FTSJ1: variants seen among roughly 807,000 people sequenced by gnomAD.
FTSJ1 encodes the protein FtsJ RNA 2'-O-methyltransferase 1.
Under a neutral mutation model 28.5 loss-of-function variants are expected in FTSJ1, and 3 were observed. The ratio of observed to expected loss-of-function variants is 0.11; its 90% CI spans 0.05 to 0.27. The LOEUF is 0.27. Among genes scored for constraint, FTSJ1 ranks in the 10% least tolerant of loss-of-function variants. The pLI, the probability that FTSJ1 is intolerant of heterozygous loss-of-function variation, is 1.00. For missense variants in FTSJ1, 162 were observed against 279.0 expected, an observed-to-expected ratio of 0.58 and a Z score of 2.99; for synonymous variants, 104 against 113.9, an observed-to-expected ratio of 0.91 and a Z score of 0.55.
Position 48,481,467 on chromosome X carries a change from G to A in FTSJ1, c.510G>A (p.Leu170=), listed in dbSNP as rs374928864. The change falls in exon 8 of 13, where the codon CTG becomes CTA. Residue 170 remains leucine (L), a synonymous_variant. Transcript: ENST00000348411. The stretch of plus-strand genomic sequence containing the variant: ...ATGTGACGCTCCTCTACAGCCAGCT[G>A]CAGGTCTTCTTCTCCAGCGTGCTGT... ...GRDVTLLYSQ[L]QVFFSSVLCA... The A allele has an allele frequency of 1.7e-4, 209 of 1,210,786 alleles. No individual in the cohort carries two copies. Among genetic ancestry groups the A allele is most frequent in the Non-Finnish European group, 2.3e-4 (205 of 895,216 alleles).
At position 48,482,441 on chromosome X, in the gene FTSJ1, A is replaced by G; in HGVS notation, c.694A>G (p.Ile232Val). 1 of 1,208,606 alleles carries G rather than the reference A, an allele frequency of 8.3e-7. No individual in the cohort carries two copies. The highest frequency in any genetic ancestry group is 1.1e-6 in the Non-Finnish European group (1 of 893,163). Reference protein sequence around the residue: ...FNQLDGPTRIIVPFVTCGDLS... With the variant: ...FNQLDGPTRIVVPFVTCGDLS... ...CCAGCTGGATGGTCCCACCCGCATCATTGTGCCTTTTGTGACCTGTGGGGA... is the reference window on the plus strand; with the variant it reads ...CCAGCTGGATGGTCCCACCCGCATCGTTGTGCCTTTTGTGACCTGTGGGGA... The change falls in exon 10 of 13, where the codon ATT (isoleucine) becomes GTT (valine). Residue 232 changes from isoleucine to valine, a missense_variant. Coordinates refer to ENST00000348411, the MANE Select transcript of FTSJ1 (RefSeq NM_012280.4).
chrX:48,478,618 G>C lies in FTSJ1; in HGVS notation c.193G>C (p.Gly65Arg), dbSNP rs782360834. The change falls in exon 4 of 13, where the codon GGC becomes CGC. Residue 65 changes from glycine (G) to arginine (R), a missense_variant and splice_region_variant. Coordinates refer to ENST00000348411, the MANE Select transcript of FTSJ1 (RefSeq NM_012280.4). Reference sequence around the variant, plus strand: ...TGATGTGGGCCATGTTGTCCACAGGGGCCAAGGGTCCGGCCACGTGGTGGC... The same window carrying C: ...TGATGTGGGCCATGTTGTCCACAGGCGCCAAGGGTCCGGCCACGTGGTGGC... Reference protein sequence around the residue: ...WSQVLSQKIGGQGSGHVVAVD... With the variant: ...WSQVLSQKIGRQGSGHVVAVD... The C allele has an allele frequency of 1.2e-5, 15 of 1,205,757 alleles. No homozygotes were observed. Among genetic ancestry groups the C allele is most frequent in the Non-Finnish European group, 1.6e-5 (14 of 891,882 alleles).
chrX:48,477,454 G>T (rs2061539814), intron 1 of FTSJ1, among the ~76,000 whole-genome samples: 1 of 111,446 alleles, frequency 9.0e-6, no homozygotes, highest in Non-Finnish European at 1.9e-5. Flanking sequence ...TCATCTAAGG[G>T]ATTAATGGCG....
Position 48,478,532 on chromosome X carries a change from T to C in FTSJ1, c.191+14T>C. 8.3e-7 allele frequency: 1 copy of C among 1,203,687 alleles called. No homozygotes were observed. Among genetic ancestry groups the C allele is most frequent in the Non-Finnish European group, 1.1e-6 (1 of 889,329 alleles). On this transcript the variant is annotated intron_variant, in intron 3 of 12. Transcript: ENST00000348411. ...CCAGAAGATCGGGTAAGTGTGGGGG[T>C]CCCAGATGGGAGACCCAGGAGGGCC... is the stretch of plus-strand genomic sequence containing the variant.
chrX:48,477,858 A>G, intron 1 of FTSJ1, 103 bp from the exon 2 acceptor site: 1 of 555,003 alleles, frequency 1.8e-6, no homozygotes, highest in Non-Finnish European at 3.0e-6. Flanking sequence ...CTATAAGGTC[A>G]GTGGGGTCAG....
intron 4 of FTSJ1, 145 bp downstream of exon 4, chrX:48,478,852 G>T: frequency 1.8e-6 from 1 of 541,584 alleles, no homozygotes; most frequent in Non-Finnish European, 3.2e-6. Flanking sequence ...ACAGTCAGCA[G>T]GTCATCATTG....
At position 48,481,826 on chromosome X, in the gene FTSJ1, G is replaced by A; in HGVS notation, c.655+111G>A. The A allele has an allele frequency of 7.2e-6, 4 of 556,138 alleles. No individual in the cohort carries two copies. In the Admixed American group the frequency reaches 1.1e-4, roughly 15 times the overall value. 45.8% of individuals were successfully genotyped at this position (556,138 alleles called of 1,213,427 possible). ...CTGGGGGAGGCTCTGTCCCCTCATG[G>A]GAATTTTTTTCCCAAGGGGATCCTT... On this transcript the variant is annotated intron_variant, in intron 9 of 12. Transcript: ENST00000348411.
chrX:48,477,452 G>A (rs1270363020), intron 1 of FTSJ1, among the ~76,000 whole-genome samples: 1 of 111,472 alleles, frequency 9.0e-6, no homozygotes, highest in Non-Finnish European at 1.9e-5. Flanking sequence ...AATCATCTAA[G>A]GGATTAATGG....
intron 12 of FTSJ1, among the ~76,000 whole-genome samples, chrX:48,484,764 G>C (rs1462422002): frequency 2.7e-5 from 3 of 112,183 alleles, no homozygotes; most frequent in African/African-American, 9.7e-5. Flanking sequence ...AATATTTAAA[G>C]GGTCCTGTAA....
chrX:48,482,883 C>A, intron 11 of FTSJ1, 89 bp downstream of exon 11: 3 of 1,209,007 alleles, frequency 2.5e-6, no homozygotes, highest in Non-Finnish European at 3.4e-6. Context: ...GGCCAAAATT[C>A]CCTTTCCTGC....
At chrX:48,479,272 C>T (rs782440904) in intron 5 of FTSJ1, among the ~76,000 whole-genome samples, 156 bp downstream of exon 5, 9 of 112,034 alleles carry the variant, frequency 8.0e-5, no homozygotes, top group African/African-American at 3.2e-5. Context: ...TTCTCCCTAC[C>T]TCTGCTGCCT....
chrX:48,482,707 C>G lies in FTSJ1; in HGVS notation c.870C>G (p.Ile290Met), dbSNP rs1556969037. ...GGAAGGGGCAGCTGGCCAAGGAGAT[C>G]CGCCCCCAGGACTGCCCCATCAGCA... is the stretch of plus-strand genomic sequence containing the variant. ...LKRKGQLAKE[I>M]RPQDCPISRV... is the part of the protein sequence containing the mutation. The change falls in exon 11 of 13, where the codon ATC becomes ATG. Residue 290 changes from isoleucine to methionine, a missense_variant. By Grantham distance (10) the Ile-to-Met change is conservative (BLOSUM62 1). Coordinates refer to ENST00000348411, the MANE Select transcript of FTSJ1 (RefSeq NM_012280.4). The G allele has an allele frequency of 8.3e-7, 1 of 1,208,438 alleles. No homozygotes were observed. The highest frequency in any genetic ancestry group is 1.1e-6 in the Non-Finnish European group (1 of 893,766).
At chrX:48,484,173 G>A (rs1195590381) in intron 12 of FTSJ1, among the ~76,000 whole-genome samples, 4 of 109,014 alleles carry the variant, frequency 3.7e-5, no homozygotes, top group East Asian at 2.9e-4. Flanking sequence ...AAGTTCAAGC[G>A]ATTCTCCTGC....
chrX:48,477,830 G>A (rs1460954677), intron 1 of FTSJ1, 131 bp from the exon 2 acceptor site: 3 of 459,218 alleles, frequency 6.5e-6, no homozygotes, highest in Non-Finnish European at 7.6e-6. Flanking sequence ...AGAGTTCAGT[G>A]ATTGGGTCCT....
Position 48,478,072 on chromosome X carries a change from C to T in FTSJ1, c.25C>T (p.Arg9Trp). ...AATGGGACGGACGTCAAAGGACAAGCGGGATGTCTACTACCGCCTGGCCAA... is the reference window on the plus strand; with the variant it reads ...AATGGGACGGACGTCAAAGGACAAGTGGGATGTCTACTACCGCCTGGCCAA... The part of the protein sequence containing the change: MGRTSKDK[R>W]DVYYRLAKEN... Residue 9 changes from arginine to tryptophan, a missense_variant, in exon 2 of 13, where the codon CGG becomes TGG. Arg to Trp is a moderately radical substitution (Grantham distance 101). Transcript: ENST00000348411. The T allele has an allele frequency of 8.3e-7, 1 of 1,210,699 alleles. No homozygotes were observed. Among genetic ancestry groups the T allele is most frequent in the Middle Eastern group, 2.3e-4 (1 of 4,347 alleles).
chrX:48,481,590 G>C, intron 8 of FTSJ1, 42 bp from the exon 9 acceptor site: 4 of 1,147,957 alleles, frequency 3.5e-6, no homozygotes, highest in Non-Finnish European at 4.8e-6. Flanking sequence ...ACTGCACGAG[G>C]AGGAAGCGGC....
intron 11 of FTSJ1, 57 bp downstream of exon 11, chrX:48,482,851 A>G: frequency 1.7e-6 from 2 of 1,205,986 alleles, no homozygotes; most frequent in Non-Finnish European, 2.2e-6. Flanking sequence ...CCTTTTTCTG[A>G]CCCAAATCTC....
chrX:48,479,455 T>C (rs1379400002), intron 5 of FTSJ1, among the ~76,000 whole-genome samples: 2 of 112,892 alleles, frequency 1.8e-5, no homozygotes, highest in Non-Finnish European at 3.7e-5. Flanking sequence ...ACCTATTGTG[T>C]TGGGAAAACA....
intron 9 of FTSJ1, among the ~76,000 whole-genome samples, chrX:48,481,962 T>A (rs1556968769): frequency 8.9e-6 from 1 of 112,221 alleles, no homozygotes; most frequent in Non-Finnish European, 1.9e-5. Flanking sequence ...GAAAATTCCA[T>A]CCCAGGAGGA....
Sources: allele counts gnomAD v4.1 joint callset (sites outside exome capture counted in the v4.1 genomes callset), GRCh38; gene constraint gnomAD v4.1.1; transcripts MANE v1.5; gene names NCBI Gene and HGNC (gene_info 2026-07-23, HGNC 2026-07-21).